MGA: variants seen among roughly 807,000 people sequenced by gnomAD.
The protein encoded by MGA is MAX dimerization protein MGA.
MGA carries 40 observed loss-of-function variants against 261.1 expected under a neutral mutation model. That is an observed-to-expected ratio of 0.15 (90% CI 0.12 to 0.20). The LOEUF (loss-of-function observed/expected upper bound fraction) is 0.20, where lower values mean the gene tolerates loss of function less well. MGA is among the 10% of genes least tolerant of loss of function. The pLI is 1.00. For missense variants in MGA, 3,397 were observed against 3,630.5 expected, an observed-to-expected ratio of 0.94 and a Z score of 1.65; for synonymous variants, 1,302 against 1,290.6, an observed-to-expected ratio of 1.01 and a Z score of -0.19.
chr15:41,709,953 C>T (rs1230219161), intron 7 of MGA, among the ~76,000 whole-genome samples: 1 of 151,966 alleles, frequency 6.6e-6, no homozygotes, highest in East Asian at 1.9e-4. Flanking sequence ...TCCTGAGTAT[C>T]TGGGGATTGC....
chr15:41,754,527 C>G lies in MGA; in HGVS notation c.7099C>G (p.Leu2367Val). 1.3e-6 allele frequency: 2 copies of G among 1,588,450 alleles called. No homozygotes were observed. Among genetic ancestry groups the G allele is most frequent in the African/African-American group, 2.7e-5 (2 of 74,698 alleles). The change falls in exon 18 of 24, where the codon CTG becomes GTG. Residue 2367 changes from leucine to valine, a missense_variant. By Grantham distance (32) the Leu-to-Val change is conservative. This residue lies in a region of MGA where 1,410 missense variants were observed against 1,386.4 expected (regional missense o/e 1.02). Coordinates refer to ENST00000219905, the MANE Select transcript of MGA (RefSeq NM_001164273.2). Reference sequence around the variant, plus strand: ...CTCAGAGGAAATTAATGTTGCTCACCTGAAGACCACAGCGGCCCACACACA... The same window carrying G: ...CTCAGAGGAAATTAATGTTGCTCACGTGAAGACCACAGCGGCCCACACACA...
chr15:41,657,773 A>G (rs368740952), upstream of MGA, among the ~76,000 whole-genome samples: 20 of 152,342 alleles, frequency 1.3e-4, no homozygotes, highest in African/African-American at 4.6e-4. Context: ...ATTTTAAACA[A>G]GGCCATAGTC....
chr15:41,746,959 T>C (rs912969209), intron 15 of MGA, among the ~76,000 whole-genome samples: 3 of 75,870 alleles, frequency 4.0e-5, no homozygotes, highest in Admixed American at 3.8e-4. Context: ...CCTACCTCTT[T>C]ATCTCTTTGA....
Position 41,668,850 on chromosome 15 carries a change from T to C in MGA, c.-45T>C, listed in dbSNP as rs2057905913. 3 of 1,401,954 alleles carry C rather than the reference T, an allele frequency of 2.1e-6. No individual in the cohort carries two copies. Among genetic ancestry groups the C allele is most frequent in the Non-Finnish European group, 2.9e-6 (3 of 1,041,500 alleles). The allele number at this position is 1,401,954 out of a possible 1,614,324, so 86.8% of individuals were successfully genotyped here. The stretch of plus-strand genomic sequence containing the variant: ...TAGGATGGGAAGGCCATTGTGACTA[T>C]GTGGTGATTACAGTTGTCTTACTAC... On this transcript the variant is annotated 5_prime_UTR_variant, in exon 2 of 24. The change abolishes an upstream ATG in the 5' untranslated region. Coordinates refer to ENST00000219905, the MANE Select transcript of MGA (RefSeq NM_001164273.2).
chr15:41,697,391 C>T (rs903407294), intron 3 of MGA, among the ~76,000 whole-genome samples: 2 of 150,908 alleles, frequency 1.3e-5, no homozygotes, highest in African/African-American at 4.9e-5. Context: ...TTTCTTTTAC[C>T]TCCTGGTTTT....
intron 19 of MGA, among the ~76,000 whole-genome samples, chr15:41,759,464 ATTT>A (rs67238224): frequency 3.2e-5 from 3 of 94,602 alleles, no homozygotes. Context: ...GTGTGTGTGT[ATTT>A]TTTTTTTTTT....
At position 41,766,643 on chromosome 15, in the gene MGA, A is replaced by T; in HGVS notation, c.8561A>T (p.Glu2854Val). ...GAACTACCCAGCTCTATGGATACAG[A>T]GTTCCCAGGGGATGCTCGGCGGGCT... is the stretch of plus-strand genomic sequence containing the variant. The change falls in exon 24 of 24, where the codon GAG (glutamate) becomes GTG (valine). Residue 2854 changes from glutamate (E) to valine (V), a missense_variant. Coordinates refer to ENST00000219905, the MANE Select transcript of MGA (RefSeq NM_001164273.2). 1.2e-6 allele frequency: 2 copies of T among 1,614,016 alleles called. No homozygotes were observed. Among genetic ancestry groups the T allele is most frequent in the Non-Finnish European group, 1.7e-6 (2 of 1,179,890 alleles).
Position 41,654,255 on chromosome 15 carries a change from T to C in MGA, c.-67-14573T>C, listed in dbSNP as rs188355070. Among the ~76,000 whole-genome samples the C allele has an allele frequency of 7.9e-5, 12 of 152,320 alleles. No homozygotes were observed. The East Asian group carries it at 2.3e-3, about 29-fold the overall frequency. ...TCTAAATACCTGTCTGCAAAGTTGT[T>C]TTCAGTGGTATATCACAGAATAAGG... On this transcript the variant is annotated intron_variant, in intron 1 of 8. Transcript: ENST00000566718.
At chr15:41,682,213 C>T (rs942773581) in intron 2 of MGA, among the ~76,000 whole-genome samples, 1 of 151,720 alleles carries the variant, frequency 6.6e-6, no homozygotes, top group Non-Finnish European at 1.5e-5. Flanking sequence ...CACTGCACCC[C>T]CCTTCTACCT....
chr15:41,762,444 AT>A, intron 22 of MGA, 82 bp downstream of exon 22: 1 of 458,088 alleles, frequency 2.2e-6, no homozygotes, highest in South Asian at 5.1e-5. Flanking sequence ...TCTTGTCCAC[AT>A]TTTTAGTTTT....
chr15:41,671,158 A>G (rs143680330), intron 2 of MGA, among the ~76,000 whole-genome samples: 17 of 152,286 alleles, frequency 1.1e-4, no homozygotes, highest in African/African-American at 4.1e-4. Context: ...TGTCTATACA[A>G]TCAGTATTCC....
intron 2 of MGA, among the ~76,000 whole-genome samples, chr15:41,671,932 T>C (rs2150980050): frequency 6.6e-6 from 1 of 152,362 alleles, no homozygotes. Flanking sequence ...TGTTTGTAAT[T>C]GCAGCTGGTG....
intron 17 of MGA, among the ~76,000 whole-genome samples, chr15:41,752,828 G>T (rs2062922608): frequency 6.6e-6 from 1 of 152,046 alleles, no homozygotes; most frequent in Non-Finnish European, 1.5e-5. Flanking sequence ...AAAAGTGCTG[G>T]GATTACAGGC....
At chr15:41,688,753 C>G (rs1335774204) in intron 2 of MGA, among the ~76,000 whole-genome samples, 4 of 152,022 alleles carry the variant, frequency 2.6e-5, no homozygotes, top group African/African-American at 9.7e-5. Flanking sequence ...TTGCATTTGT[C>G]TACTCAGGCT....
intron 5 of MGA, among the ~76,000 whole-genome samples, chr15:41,703,861 A>G (rs1271823310): frequency 6.6e-6 from 1 of 152,240 alleles, no homozygotes; most frequent in Non-Finnish European, 1.5e-5. Flanking sequence ...CCTAGGCTAT[A>G]GTGCAGTGAT....
chr15:41,739,430 T>G lies in MGA; in HGVS notation c.4435-623T>G, dbSNP rs1485910222. 3.3e-5 allele frequency among the ~76,000 whole-genome samples: 5 copies of G among 152,216 alleles called. No individual in the cohort carries two copies. The East Asian group carries it at 7.7e-4, about 23-fold the overall frequency. ...ACAATGATTGTCTTATAACTTAAAG[T>G]AGATTTCACTTATATTTTTCAAATA... On this transcript the variant is annotated intron_variant, in intron 13 of 23. Transcript: ENST00000219905.
intron 9 of MGA, among the ~76,000 whole-genome samples, chr15:41,721,768 T>C (rs1338803945): frequency 4.6e-5 from 7 of 152,184 alleles, no homozygotes; most frequent in Non-Finnish European, 8.8e-5. Context: ...GGGAAATAAA[T>C]AGGTGTAACC....
intron 1 of MGA, among the ~76,000 whole-genome samples, chr15:41,667,690 A>G (rs563997347): frequency 1.9e-4 from 29 of 152,138 alleles, no homozygotes; most frequent in African/African-American, 6.7e-4. Context: ...CCCTTTTTAT[A>G]TTAGGGAAAG....
At position 41,767,014 on chromosome 15, in the gene MGA, A is replaced by T; in HGVS notation, c.8932A>T (p.Ser2978Cys). 1 of 1,614,060 alleles carries T rather than the reference A, an allele frequency of 6.2e-7. No individual in the cohort carries two copies. Among genetic ancestry groups the T allele is most frequent in the Non-Finnish European group, 8.5e-7 (1 of 1,179,910 alleles). ...GAAGACTGGCTTGGAGAACAGCAAC[A>T]GCACAGACACTTTGTGGAGGCCTAT... Residue 2978 changes from serine (S) to cysteine (C), a missense_variant, in exon 24 of 24, where the codon AGC becomes TGC. This residue lies in a region of MGA where 647 missense variants were observed against 642.4 expected (regional missense o/e 1.01). Transcript: ENST00000219905.
Sources: gnomAD v4.1 joint callset for allele counts (sites outside exome capture counted in the v4.1 genomes callset) on GRCh38, gnomAD v4.1.1 for gene constraint, gnomAD v4.1.1 regional missense constraint, MANE v1.5 for transcripts, NCBI Gene and HGNC (gene_info 2026-07-23, HGNC 2026-07-21) for gene names.